The following SKIC8 variants were observed in gnomAD, a reference collection of about 807,000 sequenced individuals.
SKIC8 encodes SKI8 subunit of superkiller complex, also known as superkiller complex protein 8.
the SKIC8 span, chr15:78,295,418 T>TTTG: frequency 7.0e-6 from 3 of 426,568 alleles, no homozygotes; most frequent in South Asian, 5.2e-5. Flanking sequence ...TTTTTTTTTT[T>TTTG]GTACAACATC....
At chr15:78,290,160 A>G in the SKIC8 span, 1 of 1,523,388 alleles carries the variant, frequency 6.6e-7, no homozygotes, top group African/African-American at 1.4e-5. Flanking sequence ...AATTTTAAAA[A>G]CTAAAGTTTT....
the SKIC8 span, chr15:78,286,998 A>G: frequency 6.6e-6 from 1 of 152,176 alleles, no homozygotes; most frequent in South Asian, 2.1e-4. Flanking sequence ...TGTACAACAC[A>G]AAGAGTAAAC....
At chr15:78,283,380 C>T in the SKIC8 span, 1 of 1,450,948 alleles carries the variant, frequency 6.9e-7, no homozygotes, top group African/African-American at 1.4e-5. Context: ...TAAGGAATGT[C>T]ATGATCAATC....
the SKIC8 span, chr15:78,294,750 T>A: frequency 5.3e-6 from 3 of 570,916 alleles, no homozygotes; most frequent in Non-Finnish European, 8.8e-6. Flanking sequence ...CTTTTTTTTT[T>A]TAGCTGGTTG....
chr15:78,287,065 A>C, the SKIC8 span, among the ~76,000 whole-genome samples: 1 of 152,206 alleles, frequency 6.6e-6, no homozygotes, highest in Admixed American at 6.5e-5. Flanking sequence ...GGGTGAAAAA[A>C]ACATTCTTGG....
the SKIC8 span, chr15:78,293,384 T>C: frequency 5.6e-6 from 6 of 1,065,660 alleles, no homozygotes; most frequent in African/African-American, 9.4e-5. Flanking sequence ...TTTACTATTT[T>C]ACAAAGTGCT....
the SKIC8 span, among the ~76,000 whole-genome samples, chr15:78,294,144 A>G: frequency 3.3e-5 from 5 of 152,248 alleles, no homozygotes; most frequent in East Asian, 9.6e-4. Flanking sequence ...CACCTGGATG[A>G]CAATAGCTAC....
chr15:78,295,436 C>T, the SKIC8 span: 2 of 467,940 alleles, frequency 4.3e-6, no homozygotes, highest in East Asian at 4.9e-5. Context: ...ATCTTTTAAG[C>T]TTCTTCTATT....
At chr15:78,294,177 G>A in the SKIC8 span, among the ~76,000 whole-genome samples, 4 of 152,312 alleles carry the variant, frequency 2.6e-5, no homozygotes, top group East Asian at 7.7e-4. Context: ...TGACTGGCAT[G>A]CCCAATTAGC....
chr15:78,290,523 G>C, the SKIC8 span: 2 of 155,156 alleles, frequency 1.3e-5, no homozygotes, highest in African/African-American at 4.8e-5. Context: ...ACTTCTCCAC[G>C]ACTGGGGATT....
At chr15:78,289,710 AC>A in the SKIC8 span, 1 of 1,613,714 alleles carries the variant, frequency 6.2e-7, no homozygotes. Flanking sequence ...TCCCATCAGG[AC>A]TCTGTTCAGA....
the SKIC8 span, chr15:78,295,399 A>ATTT: frequency 3.7e-6 from 2 of 536,024 alleles, no homozygotes; most frequent in Non-Finnish European, 3.2e-6. Context: ...TCCTATTCTG[A>ATTT]TCTTTTTTTT....
chr15:78,293,764 T>TTATG, the SKIC8 span, among the ~76,000 whole-genome samples: 2 of 152,238 alleles, frequency 1.3e-5, no homozygotes, highest in Non-Finnish European at 2.9e-5. Flanking sequence ...AGTATCTTTA[T>TTATG]TATGGTTAAT....
chr15:78,294,943 T>C, the SKIC8 span: 1 of 1,614,200 alleles, frequency 6.2e-7, no homozygotes, highest in Non-Finnish European at 8.5e-7. Flanking sequence ...GCAGGCTACT[T>C]ACCTTGCTCT....
chr15:78,294,908 T>C, the SKIC8 span: 3 of 1,613,994 alleles, frequency 1.9e-6, no homozygotes, highest in Admixed American at 1.7e-5. Context: ...ACACAGTTTT[T>C]TTCACAGATG....
chr15:78,288,756 A>C, the SKIC8 span: 1 of 348,368 alleles, frequency 2.9e-6, no homozygotes, highest in Non-Finnish European at 5.6e-6. Context: ...AGGATAAACT[A>C]TAGCAATGTG....
the SKIC8 span, chr15:78,295,171 TAAAG>T: frequency 9.9e-4 from 601 of 606,954 alleles, 4 homozygotes; most frequent in South Asian, 0.01. Context: ...AAAAAATTCT[TAAAG>T]AAACTGACAT....
chr15:78,288,345 C>T, the SKIC8 span: 28 of 1,613,738 alleles, frequency 1.7e-5, no homozygotes, highest in East Asian at 6.7e-5. Context: ...GCTGGGAGTC[C>T]GGGGAAAAGG....
chr15:78,286,224 A>C, the SKIC8 span: 7 of 1,099,338 alleles, frequency 6.4e-6, no homozygotes, highest in African/African-American at 9.4e-5. Flanking sequence ...TCTGCCAATA[A>C]GCTGGACCAA....
Sources: gnomAD v4.1 joint callset for allele counts (sites outside exome capture counted in the v4.1 genomes callset) on GRCh38, gnomAD v4.1.1 for gene constraint, MANE v1.5 for transcripts, NCBI Gene and HGNC (gene_info 2026-07-23, HGNC 2026-07-21) for gene names.